The following DPP10 variants were observed in gnomAD, a reference collection of about 807,000 sequenced individuals.
The protein encoded by DPP10 is inactive dipeptidyl peptidase 10.
DPP10 carries 33 observed loss-of-function variants against 120.9 expected under a neutral mutation model. The ratio of observed to expected loss-of-function variants is 0.27; its 90% CI spans 0.21 to 0.37. The LOEUF is 0.37. Ranked by LOEUF, DPP10 falls within the 10% of genes least tolerant of loss-of-function variation. The pLI is 1.00. For missense variants in DPP10, 816 were observed against 942.8 expected, an observed-to-expected ratio of 0.87 and a Z score of 1.76; for synonymous variants, 337 against 326.1, an observed-to-expected ratio of 1.03 and a Z score of -0.36.
At chr2:114,849,476 T>C (rs1157718901) in intron 1 of DPP10, among the ~76,000 whole-genome samples, 4 of 151,970 alleles carry the variant, frequency 2.6e-5, no homozygotes, top group Non-Finnish European at 5.9e-5. Flanking sequence ...CAGCCCCCTG[T>C]GTAACACACA....
intron 1 of DPP10, among the ~76,000 whole-genome samples, chr2:114,449,824 C>T (rs1400359246): frequency 1.3e-5 from 2 of 152,018 alleles, no homozygotes; most frequent in Admixed American, 1.3e-4. Flanking sequence ...GACATAAAAG[C>T]TGAGAATTTT....
chr2:115,547,703 T>C (rs1411250025), intron 5 of DPP10, among the ~76,000 whole-genome samples: 1 of 145,278 alleles, frequency 6.9e-6, no homozygotes, highest in East Asian at 2.0e-4. Flanking sequence ...AGGTCCAGGC[T>C]ACAATAAACT....
intron 9 of DPP10, among the ~76,000 whole-genome samples, chr2:115,741,655 C>T (rs180845396): frequency 1.3e-5 from 2 of 152,266 alleles, no homozygotes; most frequent in East Asian, 3.9e-4. Flanking sequence ...ACAATCACAT[C>T]TGACTGCTCA....
At chr2:114,658,722 C>T (rs1558975259) in intron 1 of DPP10, among the ~76,000 whole-genome samples, 1 of 152,186 alleles carries the variant, frequency 6.6e-6, no homozygotes, top group Non-Finnish European at 1.5e-5. Flanking sequence ...CATCTCTCTA[C>T]AGGTGTATCC....
chr2:114,902,387 A>G (rs1693651347), intron 1 of DPP10, among the ~76,000 whole-genome samples: 1 of 152,310 alleles, frequency 6.6e-6, no homozygotes, highest in Non-Finnish European at 1.5e-5. Flanking sequence ...GCATTTAAAA[A>G]TGCAACAGTC....
chr2:115,159,979 G>C (rs1485283966), intron 1 of DPP10, among the ~76,000 whole-genome samples: 4 of 152,058 alleles, frequency 2.6e-5, no homozygotes, highest in African/African-American at 9.7e-5. Flanking sequence ...CACAATGAAA[G>C]GATGAATATA....
intron 1 of DPP10, among the ~76,000 whole-genome samples, chr2:114,794,977 T>G (rs1448074513): frequency 6.6e-6 from 1 of 152,238 alleles, no homozygotes; most frequent in East Asian, 1.9e-4. Context: ...TGGCAGTCAT[T>G]AATACTTTTG....
At chr2:115,676,061 CA>C (rs1185683726) in intron 5 of DPP10, among the ~76,000 whole-genome samples, 8 of 152,160 alleles carry the variant, frequency 5.3e-5, no homozygotes, top group African/African-American at 1.9e-4. Context: ...AGCTGACATG[CA>C]TATTCCCCAG....
intron 1 of DPP10, among the ~76,000 whole-genome samples, chr2:114,745,526 T>C (rs1448702856): frequency 1.3e-5 from 2 of 152,110 alleles, no homozygotes; most frequent in African/African-American, 4.8e-5. Flanking sequence ...CAAAAAGAAA[T>C]ACATGGTATG....
intron 5 of DPP10, among the ~76,000 whole-genome samples, chr2:115,587,697 G>A (rs1383502558): frequency 6.6e-6 from 1 of 152,126 alleles, no homozygotes; most frequent in Non-Finnish European, 1.5e-5. Context: ...TATATACAAT[G>A]GAAAATTATT....
At chr2:115,402,736 A>G (rs990304398) in intron 3 of DPP10, among the ~76,000 whole-genome samples, 35 of 150,824 alleles carry the variant, frequency 2.3e-4, no homozygotes, top group African/African-American at 8.5e-4. Context: ...GATAATACCA[A>G]TTCTCAAACC....
chr2:115,356,250 C>G (rs532639576), intron 3 of DPP10, among the ~76,000 whole-genome samples: 1 of 152,196 alleles, frequency 6.6e-6, no homozygotes, highest in African/African-American at 2.4e-5. Flanking sequence ...GTTTGTACTT[C>G]CCCTTGAGGA....
At chr2:115,440,008 A>G (rs1284179189) in intron 3 of DPP10, among the ~76,000 whole-genome samples, 1 of 152,146 alleles carries the variant, frequency 6.6e-6, no homozygotes, top group Non-Finnish European at 1.5e-5. Flanking sequence ...GCAAAAATAT[A>G]TATTTTAGGT....
chr2:115,794,130 C>A (rs1441492425), intron 19 of DPP10, among the ~76,000 whole-genome samples: 1 of 152,144 alleles, frequency 6.6e-6, no homozygotes, highest in South Asian at 2.1e-4. Flanking sequence ...AACAATAGAG[C>A]GACTATTATT....
intron 1 of DPP10, among the ~76,000 whole-genome samples, chr2:115,212,112 TAATTTTC>T (rs898552724): frequency 6.6e-6 from 1 of 152,160 alleles, no homozygotes; most frequent in Non-Finnish European, 1.5e-5. Flanking sequence ...ATAGATTAGC[TAATTTTC>T]AAGTTGTGGG....
intron 1 of DPP10, among the ~76,000 whole-genome samples, chr2:115,131,283 G>T (rs191060518): frequency 2.0e-5 from 3 of 152,330 alleles, no homozygotes; most frequent in Admixed American, 2.0e-4. Flanking sequence ...GGGAGGCCAA[G>T]GCAGGAGCAT....
chr2:114,834,827 T>G (rs1055992789), intron 1 of DPP10, among the ~76,000 whole-genome samples: 3 of 150,422 alleles, frequency 2.0e-5, no homozygotes, highest in African/African-American at 7.4e-5. Context: ...TCTACACACC[T>G]ATGTATATAT....
At chr2:115,231,010 T>C (rs116822999) in intron 1 of DPP10, among the ~76,000 whole-genome samples, 9,649 of 151,986 alleles carry the variant, frequency 0.063, 344 homozygotes, top group Middle Eastern at 0.11. Flanking sequence ...CACACTTCAG[T>C]GTTCAAGACA....
At chr2:115,070,735 A>T (rs148170211) in intron 1 of DPP10, among the ~76,000 whole-genome samples, 1 of 152,314 alleles carries the variant, frequency 6.6e-6, no homozygotes, top group East Asian at 1.9e-4. Context: ...AAATATAAGT[A>T]AGTGTAGAAT....
Sources: gnomAD v4.1 joint callset for allele counts (sites outside exome capture counted in the v4.1 genomes callset) on GRCh38, gnomAD v4.1.1 for gene constraint, MANE v1.5 for transcripts, NCBI Gene and HGNC (gene_info 2026-07-23, HGNC 2026-07-21) for gene names.